Variants in PPM1H observed in about 807,000 individuals in gnomAD.
PPM1H encodes protein phosphatase 1H.
PPM1H carries 27 observed loss-of-function variants against 54.9 expected under a neutral mutation model. The observed-to-expected ratio is 0.49, with a 90% CI of 0.36 to 0.68. The LOEUF is 0.68. Among genes scored for constraint, PPM1H ranks in the 30% least tolerant of loss-of-function variants. PPM1H has a pLI of 0.00. For synonymous variants in PPM1H, 305 were observed against 270.8 expected (o/e 1.13, Z -1.24); for missense variants, 596 against 667.8 (o/e 0.89, Z 1.19).
Position 62,865,240 on chromosome 12 carries a change from C to T in PPM1H, c.246-32961G>A, listed in dbSNP as rs547662331. 3.3e-5 allele frequency among the ~76,000 whole-genome samples: 5 copies of T among 152,264 alleles called. No homozygotes were observed. In the South Asian group the frequency reaches 6.2e-4, roughly 19 times the overall value. ...ATCTGGTCCAAGCTTTTCAGAAAGA[C>T]GTCACCAGATCTCCTCAGCTCCCCA... On this transcript the variant is annotated intron_variant, in intron 1 of 9. Transcript: ENST00000228705.
intron 5 of PPM1H, among the ~76,000 whole-genome samples, chr12:62,734,821 T>C (rs1452280606): frequency 6.6e-6 from 1 of 152,104 alleles, no homozygotes; most frequent in African/African-American, 2.4e-5. Context: ...GGTGAGAGGA[T>C]TGCTTGAGCC....
chr12:62,740,354 T>C (rs529814735), intron 4 of PPM1H, among the ~76,000 whole-genome samples: 2 of 152,288 alleles, frequency 1.3e-5, no homozygotes, highest in South Asian at 4.1e-4. Context: ...TCTGACTGTC[T>C]CCTAACCCTG....
chr12:62,902,182 G>A lies in PPM1H; in HGVS notation c.245+32310C>T, dbSNP rs1053187049. Among the ~76,000 whole-genome samples the A allele has an allele frequency of 9.2e-5, 14 of 151,814 alleles. No individual in the cohort carries two copies. In the South Asian group the frequency reaches 1.9e-3, roughly 20 times the overall value. On this transcript the variant is annotated intron_variant, in intron 1 of 9. Coordinates refer to ENST00000228705, the MANE Select transcript of PPM1H (RefSeq NM_020700.2). ...TCGAGACCAGCCTGTCCAACATGGCGAAACCCCGTCTCTACTAAAAATACA... is the reference window on the plus strand; with the variant it reads ...TCGAGACCAGCCTGTCCAACATGGCAAAACCCCGTCTCTACTAAAAATACA...
intron 3 of PPM1H, among the ~76,000 whole-genome samples, chr12:62,799,678 T>C (rs946041151): frequency 3.3e-5 from 5 of 152,224 alleles, no homozygotes; most frequent in African/African-American, 1.2e-4. Flanking sequence ...GGTATTTTCA[T>C]TGGGATTGCA....
At position 62,839,874 on chromosome 12, in the gene PPM1H, C is replaced by CAAAAAAAAAAAAAAAAAAAAA. The variant is rs746381032; in HGVS notation, c.246-7596_246-7595insTTTTTTTTTTTTTTTTTTTTT. 6.4e-4 allele frequency among the ~76,000 whole-genome samples: 54 copies of CAAAAAAAAAAAAAAAAAAAAA among 84,228 alleles called. 2 individuals carry two copies. The highest frequency in any genetic ancestry group is 2.6e-3 in the African/African-American group (53 of 20,358). The allele number at this position is 84,228 out of a possible 152,430, so 55.3% of individuals were successfully genotyped here. A position where few individuals can be genotyped will look rare whatever the true frequency, so the allele number is the denominator to read the frequency against. On this transcript the variant is annotated intron_variant, in intron 1 of 9. Transcript: ENST00000228705. The stretch of plus-strand genomic sequence containing the variant: ...TCAACATGGTGTGATCCTGTTTCTA[C>CAAAAAAAAAAAAAAAAAAAAA]AAAAAAAAAAAAAAAACACCCAGTG...
intron 1 of PPM1H, among the ~76,000 whole-genome samples, chr12:62,880,986 G>T (rs1870372852): frequency 6.6e-6 from 1 of 152,132 alleles, no homozygotes; most frequent in Admixed American, 6.5e-5. Context: ...ACTTCAGCAA[G>T]CCACAGAACT....
chr12:62,927,518 T>G, intron 1 of PPM1H, among the ~76,000 whole-genome samples: 1 of 151,342 alleles, frequency 6.6e-6, no homozygotes, highest in Non-Finnish European at 1.5e-5. Flanking sequence ...AAAAATTACC[T>G]GGGTGTGGTG....
intron 1 of PPM1H, among the ~76,000 whole-genome samples, chr12:62,877,387 T>C (rs571345122): frequency 6.6e-6 from 1 of 152,294 alleles, no homozygotes; most frequent in South Asian, 2.1e-4. Context: ...GCCCCTCACC[T>C]ACAGAGCAGT....
intron 4 of PPM1H, among the ~76,000 whole-genome samples, chr12:62,741,498 C>T (rs2076380726): frequency 6.6e-6 from 1 of 152,190 alleles, no homozygotes. Flanking sequence ...TGGTTCTTGC[C>T]TGTATTTCTT....
intron 1 of PPM1H, among the ~76,000 whole-genome samples, chr12:62,846,429 G>A (rs1446543445): frequency 6.6e-6 from 1 of 151,798 alleles, no homozygotes; most frequent in Non-Finnish European, 1.5e-5. Flanking sequence ...GAACCCAGGA[G>A]GCGGAGGTTG....
At chr12:62,731,689 T>G (rs12581737) in intron 5 of PPM1H, among the ~76,000 whole-genome samples, 26,464 of 152,116 alleles carry the variant, frequency 0.17, 2,566 homozygotes, top group Admixed American at 0.3. Context: ...ACATTGCCCT[T>G]GATGAAAAAC....
At chr12:62,878,143 C>G (rs553817240) in intron 1 of PPM1H, among the ~76,000 whole-genome samples, 8 of 152,174 alleles carry the variant, frequency 5.3e-5, no homozygotes, top group Non-Finnish European at 1.2e-4. Flanking sequence ...CGTGATCCAC[C>G]CACCTCGGCC....
At chr12:62,793,542 C>T (rs560105647) in intron 3 of PPM1H, among the ~76,000 whole-genome samples, 2 of 151,890 alleles carry the variant, frequency 1.3e-5, no homozygotes, top group East Asian at 1.9e-4. Flanking sequence ...TTGACCAACA[C>T]GTAGAAACCC....
At chr12:62,722,615 A>T (rs2076269671) in intron 5 of PPM1H, among the ~76,000 whole-genome samples, 1 of 152,180 alleles carries the variant, frequency 6.6e-6, no homozygotes, top group South Asian at 2.1e-4. Context: ...TGAATCAGTA[A>T]ACCTTGTTAA....
At chr12:62,823,201 T>C (rs1381051713) in intron 2 of PPM1H, among the ~76,000 whole-genome samples, 2 of 152,104 alleles carry the variant, frequency 1.3e-5, no homozygotes, top group African/African-American at 4.8e-5. Context: ...TGGGAAGAAG[T>C]TGACTCTCTG....
chr12:62,909,885 G>A (rs1164921130), intron 1 of PPM1H, among the ~76,000 whole-genome samples: 1 of 152,196 alleles, frequency 6.6e-6, no homozygotes, highest in Non-Finnish European at 1.5e-5. Flanking sequence ...AGTCAGTAGT[G>A]TGTATTATAA....
At chr12:62,686,349 G>A (rs902653449) in intron 8 of PPM1H, among the ~76,000 whole-genome samples, 1 of 152,174 alleles carries the variant, frequency 6.6e-6, no homozygotes, top group Non-Finnish European at 1.5e-5. Flanking sequence ...GGAGAAGGAG[G>A]TTTTTACTTT....
At chr12:62,890,166 A>T (rs534949931) in intron 1 of PPM1H, among the ~76,000 whole-genome samples, 113 of 152,328 alleles carry the variant, frequency 7.4e-4, no homozygotes, top group Non-Finnish European at 1.2e-3. Context: ...ACATATTAAA[A>T]AGTGTTCCAG....
At chr12:62,796,246 G>A (rs2076733589) in intron 3 of PPM1H, among the ~76,000 whole-genome samples, 2 of 152,234 alleles carry the variant, frequency 1.3e-5, no homozygotes, top group South Asian at 4.1e-4. Context: ...AATCAGTTCT[G>A]CAGAAGACAC....
Sources: allele counts gnomAD v4.1 joint callset (sites outside exome capture counted in the v4.1 genomes callset), GRCh38; gene constraint gnomAD v4.1.1; transcripts MANE v1.5; gene names NCBI Gene and HGNC (gene_info 2026-07-23, HGNC 2026-07-21).